YME1L1: variants seen among roughly 807,000 people sequenced by gnomAD.
YME1L1 encodes YME1 like 1 ATPase, also known as ATP-dependent zinc metalloprotease YME1L1.
Under a neutral mutation model 90.4 loss-of-function variants are expected in YME1L1, and 39 were observed. That is an observed-to-expected ratio of 0.43 (90% CI 0.33 to 0.56). YME1L1 has a LOEUF of 0.56. YME1L1 is among the 20% of genes least tolerant of loss of function. The pLI, the probability that YME1L1 is intolerant of heterozygous loss-of-function variation, is 0.03. For synonymous variants in YME1L1, 284 were observed against 287.3 expected (o/e 0.99, Z 0.12); for missense variants, 617 against 868.4 (o/e 0.71, Z 3.64).
chr10:27,114,472 T>G (rs756211065), intron 18 of YME1L1, 49 bp downstream of exon 18: 1 of 1,483,832 alleles, frequency 6.7e-7, no homozygotes, highest in Non-Finnish European at 9.3e-7. Flanking sequence ...CCTGACTATT[T>G]AAGCACATTG....
At chr10:27,126,994 T>C (rs2056926833) in intron 8 of YME1L1, among the ~76,000 whole-genome samples, 1 of 152,222 alleles carries the variant, frequency 6.6e-6, no homozygotes, top group Non-Finnish European at 1.5e-5. Context: ...CAAAGTCTCC[T>C]TACTATCCCC....
At position 27,147,168 on chromosome 10, in the gene YME1L1, T is replaced by C. The variant is rs549820896; in HGVS notation, c.169-1578A>G. On this transcript the variant is annotated intron_variant, in intron 2 of 18. Coordinates refer to ENST00000376016, the MANE Select transcript of YME1L1 (RefSeq NM_014263.4). Reference sequence around the variant, plus strand: ...TTAATTCTCTAAGTAACATGATTAGTTCTGTCTTATAGAAGAAAATGGAGA... The same window carrying C: ...TTAATTCTCTAAGTAACATGATTAGCTCTGTCTTATAGAAGAAAATGGAGA... 24 of 558,204 alleles carry C rather than the reference T, an allele frequency of 4.3e-5. No individual in the cohort carries two copies. The African/African-American group carries it at 4.5e-4, about 10-fold the overall frequency. The allele number at this position is 558,204 out of a possible 1,614,324, so 34.6% of individuals were successfully genotyped here.
intron 10 of YME1L1, among the ~76,000 whole-genome samples, 155 bp from the exon 11 acceptor site, chr10:27,123,128 A>T (rs2056883227): frequency 6.6e-6 from 1 of 152,198 alleles, no homozygotes; most frequent in Non-Finnish European, 1.5e-5. Flanking sequence ...TAAAAATAGT[A>T]TCTTCAGGGG....
chr10:27,123,003 TGAAA>T (rs780134114), intron 10 of YME1L1, 30 bp from the exon 11 acceptor site: 23 of 1,598,270 alleles, frequency 1.4e-5, no homozygotes, highest in African/African-American at 4.1e-5. Flanking sequence ...TCAAATAAGC[TGAAA>T]GAAAGTCAAC....
intron 9 of YME1L1, among the ~76,000 whole-genome samples, chr10:27,125,473 A>AAAAC (rs1554804633): frequency 2.6e-5 from 4 of 151,028 alleles, no homozygotes; most frequent in East Asian, 3.9e-4. Flanking sequence ...AAAAAAAAAA[A>AAAAC]AAAACAATAA....
At chr10:27,145,297 AAAAC>A in intron 3 of YME1L1, 127 bp downstream of exon 3, 1 of 783,742 alleles carries the variant, frequency 1.3e-6, no homozygotes, top group African/African-American at 1.8e-5. Context: ...TGCAAAAAAA[AAAAC>A]AAAAAAAAAA....
intron 18 of YME1L1, among the ~76,000 whole-genome samples, chr10:27,113,280 T>C (rs1448591854): frequency 7.6e-6 from 1 of 131,054 alleles, no homozygotes; most frequent in African/African-American, 2.8e-5. Context: ...CCTTCATGAA[T>C]GGGTAGCTTC....
intron 5 of YME1L1, 32 bp downstream of exon 5, chr10:27,136,244 T>A: frequency 1.3e-6 from 2 of 1,559,452 alleles, no homozygotes; most frequent in Admixed American, 1.8e-5. Flanking sequence ...TTGAAAATAT[T>A]TGCTTTTTGG....
rs2056976709 is a variant in YME1L1, at chr10:27,131,398, A to T, written c.858+461T>A. ...TTAACAAATTAATCAACTATAAACT[A>T]GCATTTATCCATTCTATTCATTCAA... is the stretch of plus-strand genomic sequence containing the variant. On this transcript the variant is annotated intron_variant, in intron 8 of 18. Transcript: ENST00000376016. Among the ~76,000 whole-genome samples the T allele has an allele frequency of 2.6e-5, 4 of 152,328 alleles. No homozygotes were observed. The South Asian group carries it at 8.3e-4, about 32-fold the overall frequency.
At chr10:27,141,485 G>C (rs529367626) in intron 4 of YME1L1, among the ~76,000 whole-genome samples, 1 of 152,106 alleles carries the variant, frequency 6.6e-6, no homozygotes, top group Non-Finnish European at 1.5e-5. Flanking sequence ...TATGCTAAAT[G>C]AGCAGAATAC....
At chr10:27,135,951 T>C (rs1412197673) in intron 5 of YME1L1, among the ~76,000 whole-genome samples, 1 of 152,164 alleles carries the variant, frequency 6.6e-6, no homozygotes, top group Non-Finnish European at 1.5e-5. Flanking sequence ...AACAGGACTT[T>C]AGTGGTTAAT....
intron 4 of YME1L1, among the ~76,000 whole-genome samples, chr10:27,141,854 C>A (rs1371292849): frequency 1.3e-5 from 2 of 152,096 alleles, no homozygotes; most frequent in Non-Finnish European, 2.9e-5. Flanking sequence ...CACCATTAGT[C>A]CCATGAAGGT....
At chr10:27,153,132 G>T in intron 1 of YME1L1, 2 of 461,020 alleles carry the variant, frequency 4.3e-6, no homozygotes, top group Non-Finnish European at 4.5e-6. Context: ...TTTTCTGTAT[G>T]CCTGTGATAC....
In YME1L1 at chr10:27,154,235, A is replaced by G; in HGVS notation, c.-25T>C. The G allele has an allele frequency of 6.4e-7, 1 of 1,569,262 alleles. No homozygotes were observed. Among genetic ancestry groups the G allele is most frequent in the Non-Finnish European group, 8.6e-7 (1 of 1,157,872 alleles). On this transcript the variant is annotated 5_prime_UTR_variant, in exon 1 of 19. Coordinates refer to ENST00000376016, the MANE Select transcript of YME1L1 (RefSeq NM_014263.4). ...TCTCCGGCGGGCCCTCAGCGACCTCACCCGCCTGCCGAAACTGTGCCCCTC... is the reference window on the plus strand; with the variant it reads ...TCTCCGGCGGGCCCTCAGCGACCTCGCCCGCCTGCCGAAACTGTGCCCCTC...
chr10:27,125,496 T>C (rs2056909195), intron 9 of YME1L1, among the ~76,000 whole-genome samples: 1 of 149,090 alleles, frequency 6.7e-6, no homozygotes, highest in Admixed American at 6.7e-5. Context: ...GCCTAAATGT[T>C]ACCTGTGATC....
In YME1L1 at chr10:27,116,051, A is replaced by G; in HGVS notation, c.1920+9T>C. ...TTGATACATGAAAAGGATTTAAAAA[A>G]TCTATTACCTTTTCACTCATTCCAA... On this transcript the variant is annotated intron_variant, in intron 17 of 18. Coordinates refer to ENST00000376016, the MANE Select transcript of YME1L1 (RefSeq NM_014263.4). The G allele has an allele frequency of 6.2e-7, 1 of 1,608,034 alleles. No homozygotes were observed. The highest frequency in any genetic ancestry group is 8.5e-7 in the Non-Finnish European group (1 of 1,176,542).
rs778063185 is a variant in YME1L1, at chr10:27,112,134, GGA to G, written c.2008-16_2008-15del. ...TTCATATGAGTCCTGAAACAGAAAA[GGA>G]GATACGTAAGCAGCAGCAAATGCAG... is the stretch of plus-strand genomic sequence containing the variant. On this transcript the variant is annotated splice_polypyrimidine_tract_variant and intron_variant, in intron 18 of 18. Transcript: ENST00000376016. 5.6e-6 allele frequency: 9 copies of G among 1,601,124 alleles called. No homozygotes were observed. Among genetic ancestry groups the G allele is most frequent in the Non-Finnish European group, 6.8e-6 (8 of 1,174,306 alleles).
At chr10:27,126,668 A>C (rs996559944) in intron 9 of YME1L1, 28 bp downstream of exon 9, 19 of 1,244,760 alleles carry the variant, frequency 1.5e-5, no homozygotes, top group Non-Finnish European at 2.1e-5. Flanking sequence ...TTTTTCCATC[A>C]AATCATGATA....
At chr10:27,120,401 TACAGAAATG>T (rs2056855184) in intron 13 of YME1L1, 25 bp downstream of exon 13, 2 of 1,519,102 alleles carry the variant, frequency 1.3e-6, no homozygotes, top group Non-Finnish European at 1.8e-6. Context: ...ATTACCACTT[TACAGAAATG>T]ACAAATGTTT....
Sources: gnomAD v4.1 joint callset for allele counts (sites outside exome capture counted in the v4.1 genomes callset) on GRCh38, gnomAD v4.1.1 for gene constraint, MANE v1.5 for transcripts, NCBI Gene and HGNC (gene_info 2026-07-23, HGNC 2026-07-21) for gene names.